The following CLEC1A variants were observed in gnomAD, a reference collection of about 807,000 sequenced individuals.
CLEC1A encodes the protein C-type lectin-like receptor-1.
A neutral mutation model predicts 28.7 loss-of-function variants in CLEC1A; 34 were observed. The observed-to-expected ratio is 1.18, with a 90% CI of 0.90 to 1.57. The LOEUF (loss-of-function observed/expected upper bound fraction) is 1.57, where lower values mean the gene tolerates loss of function less well. Ranked by LOEUF, CLEC1A falls within the 40% of genes most tolerant of loss-of-function variation. The probability of loss-of-function intolerance (pLI) is 0.00; values close to 1 mark genes in which losing one functional copy is unlikely to be tolerated. For synonymous variants in CLEC1A, 116 were observed against 121.0 expected, an observed-to-expected ratio of 0.96 and a Z score of 0.27; for missense variants, 385 against 339.5, an observed-to-expected ratio of 1.13 and a Z score of -1.05.
chr12:10,087,479 TA>T (rs1241185188), intron 2 of CLEC1A, among the ~76,000 whole-genome samples: 2 of 10,526 alleles, frequency 1.9e-4, no homozygotes, highest in African/African-American at 3.4e-4. Flanking sequence ...AAGTTATATA[TA>T]TATATATATA....
At chr12:10,079,383 G>A (rs1441767489) in intron 3 of CLEC1A, among the ~76,000 whole-genome samples, 3 of 152,094 alleles carry the variant, frequency 2.0e-5, no homozygotes, top group African/African-American at 7.2e-5. Flanking sequence ...TTTATGAGAA[G>A]CAGCATTAAT....
intron 1 of CLEC1A, among the ~76,000 whole-genome samples, chr12:10,093,384 A>C (rs896690604): frequency 1.3e-5 from 2 of 151,472 alleles, no homozygotes; most frequent in East Asian, 1.9e-4. Context: ...AAAAAAAAAA[A>C]AAACCTTTCC....
chr12:10,071,162 T>C lies in CLEC1A; in HGVS notation c.*171A>G. ...TTCTTGTGACTGTTAAATACGTGCA[T>C]AAACCCAAGCTCAGAAATGCTGGTG... is the stretch of plus-strand genomic sequence containing the variant. On this transcript the variant is annotated 3_prime_UTR_variant, in exon 6 of 6. Transcript: ENST00000315330. The C allele has an allele frequency of 1.7e-6, 1 of 580,604 alleles. No individual in the cohort carries two copies. The highest frequency in any genetic ancestry group is 1.9e-5 in the African/African-American group (1 of 52,996). The allele number at this position is 580,604 out of a possible 1,614,324, so 36.0% of individuals were successfully genotyped here.
Position 10,081,264 on chromosome 12 carries a change from A to G in CLEC1A, c.364T>C (p.Cys122Arg). ...GSLQHVAEKLCRELYNKAGAH... is the reference protein window; with the variant it reads ...GSLQHVAEKLRRELYNKAGAH... ...CCAGCTTTGTTATACAGCTCACGAC[A>G]GAGTTTTTCAGCCACATGCTGCAGA... Residue 122 changes from cysteine to arginine, a missense_variant, in exon 3 of 6, where the codon TGT becomes CGT. Cys to Arg is a radical substitution (Grantham distance 180). Transcript: ENST00000315330. 2 of 1,609,678 alleles carry G rather than the reference A, an allele frequency of 1.2e-6. No individual in the cohort carries two copies. Among genetic ancestry groups the G allele is most frequent in the Middle Eastern group, 3.3e-4 (2 of 6,040 alleles).
At chr12:10,087,148 T>C (rs1276883465) in intron 2 of CLEC1A, among the ~76,000 whole-genome samples, 2 of 134,086 alleles carry the variant, frequency 1.5e-5, no homozygotes, top group Admixed American at 8.7e-5. Context: ...AAGGTTGCAG[T>C]GAGCCGAGAT....
chr12:10,075,911 CT>C (rs1866242880), intron 3 of CLEC1A, among the ~76,000 whole-genome samples: 1 of 152,126 alleles, frequency 6.6e-6, no homozygotes, highest in South Asian at 2.1e-4. Flanking sequence ...ATGATTAGAA[CT>C]TTCTTGCCAC....
At chr12:10,072,634 A>ATC (rs58355839) in intron 5 of CLEC1A, among the ~76,000 whole-genome samples, 9,026 of 147,682 alleles carry the variant, frequency 0.061, 728 homozygotes, top group African/African-American at 0.19. Flanking sequence ...TCAGGGAAAG[A>ATC]TCTCTCTCTC....
At chr12:10,098,207 G>C (rs1470440353) in intron 1 of CLEC1A, among the ~76,000 whole-genome samples, 2 of 152,026 alleles carry the variant, frequency 1.3e-5, no homozygotes, top group Admixed American at 1.3e-4. Flanking sequence ...AGAACCTAAA[G>C]TGTTCCTTTC....
At chr12:10,095,288 A>T (rs1012064610) in intron 1 of CLEC1A, among the ~76,000 whole-genome samples, 9 of 152,086 alleles carry the variant, frequency 5.9e-5, no homozygotes, top group African/African-American at 2.2e-4. Context: ...ATTTATTATT[A>T]AATTTTTTAA....
Position 10,098,937 on chromosome 12 carries a change from C to T in CLEC1A, c.-15G>A, listed in dbSNP as rs141553206. The T allele has an allele frequency of 1.4e-5, 22 of 1,589,964 alleles. No homozygotes were observed. Among genetic ancestry groups the T allele is most frequent in the African/African-American group, 2.7e-5 (2 of 74,560 alleles). ...TTGGCCTGCATCTGGATTCCTACAG[C>T]GGTGAGAGTGAAATGTGGTCGGATT... On this transcript the variant is annotated 5_prime_UTR_variant, in exon 1 of 6. Coordinates refer to ENST00000315330, the MANE Select transcript of CLEC1A (RefSeq NM_016511.4).
intron 2 of CLEC1A, among the ~76,000 whole-genome samples, chr12:10,082,902 C>CCAGCACACTAAA (rs536499091): frequency 6.6e-6 from 1 of 152,216 alleles, no homozygotes; most frequent in South Asian, 2.1e-4. Flanking sequence ...TTCAAGGAAG[C>CCAGCACACTAAA]CAGCACACTA....
At chr12:10,071,605 G>T in intron 5 of CLEC1A, 92 bp from the exon 6 acceptor site, 1 of 1,053,114 alleles carries the variant, frequency 9.5e-7, no homozygotes, top group Non-Finnish European at 1.3e-6. Flanking sequence ...TAAAATTATA[G>T]TCTAGATACC....
intron 3 of CLEC1A, 76 bp downstream of exon 3, chr12:10,081,161 T>C (rs1483385343): frequency 7.7e-7 from 1 of 1,296,554 alleles, no homozygotes. Context: ...AATACTTGAC[T>C]CTCACTTTCA....
In CLEC1A at chr12:10,092,471, A is replaced by C. The variant is rs1447347508; in HGVS notation, c.116-3249T>G. 4 of 377,796 alleles carry C rather than the reference A, an allele frequency of 1.1e-5. No individual in the cohort carries two copies. In the East Asian group the frequency reaches 4.9e-4, roughly 47 times the overall value. The allele number at this position is 377,796 out of a possible 1,614,324, so 23.4% of individuals were successfully genotyped here. A position where few individuals can be genotyped will look rare whatever the true frequency, so the allele number is the denominator to read the frequency against. ...CTGAGGTGGGAGGATTGCTTGAGCC[A>C]GGGAGGTCAAGGCTGCAGTGAGTCG... On this transcript the variant is annotated intron_variant, in intron 1 of 5. Coordinates refer to ENST00000315330, the MANE Select transcript of CLEC1A (RefSeq NM_016511.4).
chr12:10,079,450 C>A (rs537716370), intron 3 of CLEC1A, among the ~76,000 whole-genome samples: 3 of 152,178 alleles, frequency 2.0e-5, no homozygotes, highest in South Asian at 4.2e-4. Context: ...CATAGCTTCT[C>A]TTTTTGTTTG....
intron 1 of CLEC1A, among the ~76,000 whole-genome samples, chr12:10,096,568 T>C (rs1249365188): frequency 6.6e-6 from 1 of 152,164 alleles, no homozygotes; most frequent in Non-Finnish European, 1.5e-5. Flanking sequence ...ATCTAAATCC[T>C]GCATTGACTT....
chr12:10,098,264 TTTTACATAA>T (rs1188866452), intron 1 of CLEC1A, among the ~76,000 whole-genome samples: 1 of 152,154 alleles, frequency 6.6e-6, no homozygotes, highest in East Asian at 1.9e-4. Flanking sequence ...CATTCAAATA[TTTTACATAA>T]TTTATCATTC....
intron 3 of CLEC1A, among the ~76,000 whole-genome samples, chr12:10,080,126 C>T (rs759978760): frequency 2.1e-4 from 32 of 152,070 alleles, no homozygotes; most frequent in Middle Eastern, 3.2e-3. Context: ...CTGCCCAACA[C>T]AGTGAAAACC....
intron 3 of CLEC1A, among the ~76,000 whole-genome samples, chr12:10,078,076 CA>C (rs1388058204): frequency 6.6e-6 from 1 of 152,114 alleles, no homozygotes; most frequent in African/African-American, 2.4e-5. Context: ...TTAGAAGAAC[CA>C]TCATATTTCT....
Sources: allele counts gnomAD v4.1 joint callset (sites outside exome capture counted in the v4.1 genomes callset), GRCh38; gene constraint gnomAD v4.1.1; transcripts MANE v1.5; gene names NCBI Gene and HGNC (gene_info 2026-07-23, HGNC 2026-07-21).